PCYT1A: variants seen among roughly 807,000 people sequenced by gnomAD.
PCYT1A encodes phosphate cytidylyltransferase 1A, choline.
In PCYT1A, 25 loss-of-function variants were observed where a neutral mutation model predicts 43.7. That is an observed-to-expected ratio of 0.57 (90% CI 0.42 to 0.80). The LOEUF (loss-of-function observed/expected upper bound fraction) is 0.80. Ranked by LOEUF, PCYT1A falls within the 30% of genes least tolerant of loss-of-function variation. The pLI, the probability that PCYT1A is intolerant of heterozygous loss-of-function variation, is 0.00. For missense variants in PCYT1A, 421 were observed against 474.2 expected (o/e 0.89, Z 1.04); for synonymous variants, 172 against 170.7 (o/e 1.01, Z -0.06).
chr3:196,272,206 A>G (rs1301233527), intron 1 of PCYT1A, among the ~76,000 whole-genome samples: 5 of 145,588 alleles, frequency 3.4e-5, no homozygotes, highest in Non-Finnish European at 6.0e-5. Context: ...TTTTTTTGAG[A>G]AAGAGTCTCA....
rs369305549 is a variant in PCYT1A, at chr3:196,261,746, C to T, written c.118-3859G>A. ...CGGAGGTTGCAGTGAGCCGAGATCACGCCACTGCACTCCAGCCTGGGCAGT... is the reference window on the plus strand; with the variant it reads ...CGGAGGTTGCAGTGAGCCGAGATCATGCCACTGCACTCCAGCCTGGGCAGT... On this transcript the variant is annotated intron_variant, in intron 2 of 8. Coordinates refer to ENST00000431016, the MANE Select transcript of PCYT1A (RefSeq NM_001312673.2). Among the ~76,000 whole-genome samples the T allele has an allele frequency of 9.3e-5, 14 of 150,870 alleles. No homozygotes were observed. The East Asian group carries it at 1.4e-3, about 15-fold the overall frequency.
rs867290911 is a variant in PCYT1A, at chr3:196,242,033, C to T, written c.623G>A (p.Arg208Gln). 7 of 1,614,118 alleles carry T rather than the reference C, an allele frequency of 4.3e-6. No homozygotes were observed. The highest frequency in any genetic ancestry group is 2.2e-5 in the East Asian group (1 of 44,886). The change falls in exon 7 of 9, where the codon CGA (arginine) becomes CAA (glutamine). Residue 208 changes from arginine (R) to glutamine (Q), a missense_variant. This residue lies in a region of PCYT1A where 174 missense variants were observed against 270.7 expected (regional missense o/e 0.64). Coordinates refer to ENST00000431016, the MANE Select transcript of PCYT1A (RefSeq NM_001312673.2). This position sits in a 1 kb window ranked among gnomAD's most constrained non-coding sequence, Gnocchi z 4.2. ...ATACACATCATAATCCCGCACAATT[C>T]GGGTGATGATGTCTGATGTGGAGAT... ...EGISTSDIITRIVRDYDVYAR... is the reference protein window; with the variant it reads ...EGISTSDIITQIVRDYDVYAR...
chr3:196,269,852 G>C (rs1056228003), intron 2 of PCYT1A, among the ~76,000 whole-genome samples: 8 of 151,986 alleles, frequency 5.3e-5, no homozygotes, highest in Admixed American at 2.0e-4. Flanking sequence ...TATTTCATTA[G>C]TTTTATTTAT....
At chr3:196,253,336 CAA>C (rs60342446) in intron 3 of PCYT1A, among the ~76,000 whole-genome samples, 1 of 105,964 alleles carries the variant, frequency 9.4e-6, no homozygotes, top group Non-Finnish European at 1.9e-5. Context: ...GACTCTGTCT[CAA>C]AAAAAAAAAA....
rs1421796903 is a variant in PCYT1A, at chr3:196,282,497, A to G, written c.-11+5118T>C. ...CTTTATTTTCACTTCAGTGATGAACATAAGCTACAGCAGTAATAGCAGACT... is the reference window on the plus strand; with the variant it reads ...CTTTATTTTCACTTCAGTGATGAACGTAAGCTACAGCAGTAATAGCAGACT... On this transcript the variant is annotated intron_variant, in intron 1 of 8. Transcript: ENST00000431016. The surrounding 1 kb of genome is among the most constrained non-coding windows in gnomAD (Gnocchi z 4.3). Among the ~76,000 whole-genome samples the G allele has an allele frequency of 1.3e-5, 2 of 152,222 alleles. No homozygotes were observed. The highest frequency in any genetic ancestry group is 2.9e-5 in the Non-Finnish European group (2 of 68,034).
At position 196,270,488 on chromosome 3, in the gene PCYT1A, C is replaced by G. The variant is rs781198337; in HGVS notation, c.44G>C (p.Arg15Thr). Residue 15 changes from arginine (R) to threonine (T), a missense_variant, in exon 2 of 9, where the codon AGA becomes ACA. Physicochemically the swap from Arg to Thr is moderately conservative, Grantham distance 71. Around this residue, in one of 3 missense-constraint regions of PCYT1A, gnomAD observed 139 missense variants for 117.7 expected, o/e 1.18. Coordinates refer to ENST00000431016, the MANE Select transcript of PCYT1A (RefSeq NM_001312673.2). ...CCCGTTGGGTCCGGGCGCCTCTTTTCTCCTCTTCCTTGCATTGACCTTGGC... is the reference window on the plus strand; with the variant it reads ...CCCGTTGGGTCCGGGCGCCTCTTTTGTCCTCTTCCTTGCATTGACCTTGGC... ...CSAKVNARKR[R>T]KEAPGPNGAT... The G allele has an allele frequency of 1.9e-6, 3 of 1,614,190 alleles. No individual in the cohort carries two copies. The highest frequency in any genetic ancestry group is 2.5e-6 in the Non-Finnish European group (3 of 1,180,008).
Position 196,239,721 on chromosome 3 carries a change from G to A in PCYT1A, c.723C>T (p.His241=). The change falls in exon 8 of 9, where the codon CAC becomes CAT. Residue 241 remains histidine (H), a synonymous_variant. Coordinates refer to ENST00000431016, the MANE Select transcript of PCYT1A (RefSeq NM_001312673.2). ...TTACTTTGTCAACCCTCTCCTGCAA[G>A]TGGTATTTCTTCTCCTAGATAAAGA... ...NVSFINEKKY[H]LQERVDKVKK... is the part of the protein sequence containing the mutation. The A allele has an allele frequency of 3.7e-6, 6 of 1,603,734 alleles. No individual in the cohort carries two copies. Among genetic ancestry groups the A allele is most frequent in the Non-Finnish European group, 5.1e-6 (6 of 1,170,732 alleles).
At chr3:196,271,662 C>T (rs112391578) in intron 1 of PCYT1A, among the ~76,000 whole-genome samples, 37 of 119,642 alleles carry the variant, frequency 3.1e-4, no homozygotes, top group East Asian at 3.0e-3. Context: ...TGCAGTGGCA[C>T]GATCTCGGCT....
At position 196,235,798 on chromosome 3, in the gene PCYT1A, T is replaced by C; in HGVS notation, c.*2890A>G. 1 of 152,366 alleles carries C rather than the reference T, an allele frequency of 6.6e-6. No individual in the cohort carries two copies. The highest frequency in any genetic ancestry group is 1.5e-5 in the Non-Finnish European group (1 of 68,050). The allele number at this position is 152,366 out of a possible 1,614,324, so 9.4% of individuals were successfully genotyped here. The stretch of plus-strand genomic sequence containing the variant: ...AAACGTTAATATCTGAAGATTTAGA[T>C]CCCAGGCATTGTGGTGGTGTGCACA... On this transcript the variant is annotated 3_prime_UTR_variant, in exon 9 of 9. Transcript: ENST00000431016. The surrounding 1 kb of genome is among the most constrained non-coding windows in gnomAD (Gnocchi z 4.3).
intron 1 of PCYT1A, among the ~76,000 whole-genome samples, chr3:196,274,357 C>T (rs1013931959): frequency 6.6e-6 from 1 of 152,244 alleles, no homozygotes; most frequent in Non-Finnish European, 1.5e-5. Flanking sequence ...GACCATGCCT[C>T]CCCGACTGCA....
At position 196,252,879 on chromosome 3, in the gene PCYT1A, A is replaced by G. The variant is rs2108769467; in HGVS notation, c.218-4556T>C. On this transcript the variant is annotated intron_variant, in intron 3 of 8. Coordinates refer to ENST00000431016, the MANE Select transcript of PCYT1A (RefSeq NM_001312673.2). This position sits in a 1 kb window ranked among gnomAD's most constrained non-coding sequence, Gnocchi z 4.0. ...CCTATCTCTATTAAAATTATTTTTT[A>G]CTGCCAGCATGTGTCAACTAAAAAA... Among the ~76,000 whole-genome samples, 1 of 152,062 alleles carries G rather than the reference A, an allele frequency of 6.6e-6. No homozygotes were observed. The highest frequency in any genetic ancestry group is 1.5e-5 in the Non-Finnish European group (1 of 68,012).
In PCYT1A at chr3:196,234,971, A is replaced by C. The variant is rs1002117482; in HGVS notation, c.*3717T>G. 5 of 152,212 alleles carry C rather than the reference A, an allele frequency of 3.3e-5. No homozygotes were observed. The highest frequency in any genetic ancestry group is 5.9e-5 in the Non-Finnish European group (4 of 68,032). 9.4% of individuals were successfully genotyped at this position (152,212 alleles called of 1,614,324 possible). On this transcript the variant is annotated 3_prime_UTR_variant, in exon 9 of 9. Coordinates refer to ENST00000431016, the MANE Select transcript of PCYT1A (RefSeq NM_001312673.2). ...AAAATATCATCAGTTAAAAACATTA[A>C]GGGGGCTTTCTTTTTCTACCTGTAT...
intron 3 of PCYT1A, among the ~76,000 whole-genome samples, chr3:196,254,940 T>C (rs1255856817): frequency 6.6e-6 from 1 of 152,206 alleles, no homozygotes. Context: ...GCTGATTTTT[T>C]TCATCTCCCA....
rs1447674322 is a variant in PCYT1A, at chr3:196,237,686, T to C, written c.*1002A>G. On this transcript the variant is annotated 3_prime_UTR_variant, in exon 9 of 9. Transcript: ENST00000431016. ...CTCTCTAATATGGCTATGACCAAAATGGATTAACATCAAGTTCCAACAGCA... is the reference window on the plus strand; with the variant it reads ...CTCTCTAATATGGCTATGACCAAAACGGATTAACATCAAGTTCCAACAGCA... The C allele has an allele frequency of 6.6e-6, 1 of 152,214 alleles. No homozygotes were observed. The highest frequency in any genetic ancestry group is 2.4e-5 in the African/African-American group (1 of 41,458). The allele number at this position is 152,214 out of a possible 1,614,324, so 9.4% of individuals were successfully genotyped here.
Position 196,238,793 on chromosome 3 carries a change from A to AGAGGGG in PCYT1A, c.993_998dup (p.Pro332_Ser333dup), listed in dbSNP as rs756351685. The AGAGGGG allele has an allele frequency of 1.3e-6, 2 of 1,586,074 alleles. No homozygotes were observed. Among genetic ancestry groups the AGAGGGG allele is most frequent in the South Asian group, 1.1e-5 (1 of 87,320 alleles). On this transcript the variant is annotated inframe_insertion, in exon 9 of 9. Coordinates refer to ENST00000431016, the MANE Select transcript of PCYT1A (RefSeq NM_001312673.2). The stretch of plus-strand genomic sequence containing the variant: ...TCTTGCCGGAGAAGGGCCATCGGAA[A>AGAGGGG]GAGGGGGAGGGGGAGCGCTCGCGAG...
chr3:196,238,712 A>G lies in PCYT1A; in HGVS notation c.1080T>C (p.Asp360=), dbSNP rs770859478. 6 of 1,576,518 alleles carry G rather than the reference A, an allele frequency of 3.8e-6. No individual in the cohort carries two copies. The highest frequency in any genetic ancestry group is 5.2e-6 in the Non-Finnish European group (6 of 1,162,732). The part of the protein sequence containing the change: ...NLSRHKAAAY[D]ISEDEED ...ATTAGTCTTCTTCATCCTCACTGAT[A>G]TCATAGGCTGCAGCCTTGTGCCTGG... Residue 360 remains aspartate (D), a synonymous_variant, in exon 9 of 9, where the codon GAT becomes GAC. Transcript: ENST00000431016.
In PCYT1A at chr3:196,242,804, C is replaced by T. The variant is rs1021752997; in HGVS notation, c.487-164G>A. On this transcript the variant is annotated intron_variant, in intron 5 of 8. Coordinates refer to ENST00000431016, the MANE Select transcript of PCYT1A (RefSeq NM_001312673.2). The surrounding 1 kb of genome is among the most constrained non-coding windows in gnomAD (Gnocchi z 4.2). ...TAAATTCTACAATCTATTCACAAACCACCCAACCTAATGATTTATGGAGTA... is the reference window on the plus strand; with the variant it reads ...TAAATTCTACAATCTATTCACAAACTACCCAACCTAATGATTTATGGAGTA... The T allele has an allele frequency of 3.2e-6, 2 of 629,864 alleles. No individual in the cohort carries two copies. The highest frequency in any genetic ancestry group is 3.7e-5 in the African/African-American group (2 of 54,278). 39.0% of individuals were successfully genotyped at this position (629,864 alleles called of 1,614,324 possible).
intron 3 of PCYT1A, among the ~76,000 whole-genome samples, chr3:196,249,794 C>CATGCCGAGGCTGAGGACCAGATACACT (rs1560165934): frequency 4.1e-5 from 6 of 144,868 alleles, no homozygotes; most frequent in South Asian, 2.3e-4. Flanking sequence ...TCAGATACAC[C>CATGCCGAGGCTGAGGACCAGATACACT]ATGCCGAGGC....
chr3:196,249,049 C>T (rs993361538), intron 3 of PCYT1A, among the ~76,000 whole-genome samples: 2 of 152,100 alleles, frequency 1.3e-5, no homozygotes, highest in African/African-American at 4.8e-5. Flanking sequence ...TGTGAGCAAC[C>T]GCGCCCGGCC....
Sources: gnomAD v4.1 joint callset for allele counts (sites outside exome capture counted in the v4.1 genomes callset) on GRCh38, gnomAD v4.1.1 for gene constraint, gnomAD v4.1.1 regional missense constraint, Gnocchi (gnomAD v3.1) non-coding constraint, MANE v1.5 for transcripts, NCBI Gene and HGNC (gene_info 2026-07-23, HGNC 2026-07-21) for gene names.